Variants in STXBP5L observed in about 807,000 individuals in gnomAD.
STXBP5L encodes the protein syntaxin-binding protein 5-like.
Under a neutral mutation model 144.5 loss-of-function variants are expected in STXBP5L, and 65 were observed. That is an observed-to-expected ratio of 0.45 (90% confidence interval 0.37 to 0.55). The LOEUF (loss-of-function observed/expected upper bound fraction) is 0.55, where lower values mean the gene tolerates loss of function less well. Among genes scored for constraint, STXBP5L ranks in the 20% least tolerant of loss-of-function variants. The pLI, the probability that STXBP5L is intolerant of heterozygous loss-of-function variation, is 0.00. For synonymous variants in STXBP5L, 505 were observed against 469.6 expected, an observed-to-expected ratio of 1.08 and a Z score of -0.97; for missense variants, 1,298 against 1,405.5, an observed-to-expected ratio of 0.92 and a Z score of 1.22.
At chr3:121,228,706 G>A (rs748465489) in intron 11 of STXBP5L, among the ~76,000 whole-genome samples, 11 of 151,850 alleles carry the variant, frequency 7.2e-5, no homozygotes, top group South Asian at 2.1e-4. Flanking sequence ...TGAAACCCCC[G>A]TCTCTACTAA....
intron 20 of STXBP5L, among the ~76,000 whole-genome samples, chr3:121,320,438 G>GA (rs1232210851): frequency 6.6e-6 from 1 of 151,880 alleles, no homozygotes; most frequent in African/African-American, 2.4e-5. Context: ...TGCCCCTTGT[G>GA]AAAATGAAAC....
At chr3:121,092,796 T>G (rs1309222213) in intron 5 of STXBP5L, among the ~76,000 whole-genome samples, 1 of 152,198 alleles carries the variant, frequency 6.6e-6, no homozygotes, top group African/African-American at 2.4e-5. Context: ...TGGCCAGAAC[T>G]TCCAACACCA....
At chr3:121,211,550 A>G (rs2460098) in intron 10 of STXBP5L, among the ~76,000 whole-genome samples, 9,061 of 144,806 alleles carry the variant, frequency 0.063, 322 homozygotes, top group Middle Eastern at 0.11. Flanking sequence ...CTTCTCCAGC[A>G]TCTCTTATTT....
chr3:121,400,177 C>T (rs1224885376), intron 22 of STXBP5L, among the ~76,000 whole-genome samples: 1 of 152,204 alleles, frequency 6.6e-6, no homozygotes, highest in Non-Finnish European at 1.5e-5. Flanking sequence ...ATGGAGCATG[C>T]ACCAGGGGCT....
At chr3:120,956,590 G>T (rs1286608014) in intron 3 of STXBP5L, among the ~76,000 whole-genome samples, 1 of 151,756 alleles carries the variant, frequency 6.6e-6, no homozygotes, top group South Asian at 2.1e-4. Context: ...ATGGGCACTT[G>T]TTTTTTCCAT....
At chr3:121,094,772 A>G (rs374069253) in intron 5 of STXBP5L, among the ~76,000 whole-genome samples, 49 of 152,076 alleles carry the variant, frequency 3.2e-4, no homozygotes, top group East Asian at 1.2e-3. Context: ...GTCCATTTAC[A>G]TTGAAAGTTA....
chr3:121,152,166 T>G (rs1171381700), intron 7 of STXBP5L, among the ~76,000 whole-genome samples: 2 of 152,022 alleles, frequency 1.3e-5, no homozygotes, highest in Non-Finnish European at 2.9e-5. Flanking sequence ...ATTTCATGTT[T>G]TATTTCATCT....
intron 10 of STXBP5L, among the ~76,000 whole-genome samples, chr3:121,213,607 G>T (rs562716851): frequency 2.6e-5 from 4 of 152,030 alleles, no homozygotes; most frequent in Non-Finnish European, 5.9e-5. Flanking sequence ...TGTTGTGTTC[G>T]GTTTGCCAGT....
At chr3:121,052,290 C>G (rs1287426335) in intron 5 of STXBP5L, among the ~76,000 whole-genome samples, 2 of 151,716 alleles carry the variant, frequency 1.3e-5, no homozygotes, top group Admixed American at 6.6e-5. Context: ...GAGACATAAC[C>G]AAAAAAGAGA....
intron 9 of STXBP5L, among the ~76,000 whole-genome samples, chr3:121,191,559 G>A (rs1170871463): frequency 6.6e-6 from 1 of 151,258 alleles, no homozygotes; most frequent in Non-Finnish European, 1.5e-5. Context: ...AGAGGGAGAG[G>A]GATAGGGAGA....
Position 121,095,501 on chromosome 3 carries a change from C to A in STXBP5L, c.471-19424C>A, listed in dbSNP as rs1002922213. On this transcript the variant is annotated intron_variant, in intron 5 of 26. Transcript: ENST00000471454. ...TGTTCATTTCTTTTTACTCTTTTTT[C>A]TCTAACCTTCTCTTCTCGCTTCATT... Among the ~76,000 whole-genome samples the A allele has an allele frequency of 2.0e-5, 3 of 152,078 alleles. No individual in the cohort carries two copies. The East Asian group carries it at 5.8e-4, about 29-fold the overall frequency.
intron 11 of STXBP5L, among the ~76,000 whole-genome samples, chr3:121,228,587 C>T (rs141862642): frequency 7.6e-4 from 116 of 152,224 alleles, no homozygotes; most frequent in East Asian, 1.2e-3. Flanking sequence ...AGCAATTGAA[C>T]CTTTGTTGGC....
chr3:120,974,107 G>C (rs1940632566), intron 3 of STXBP5L, among the ~76,000 whole-genome samples: 1 of 152,086 alleles, frequency 6.6e-6, no homozygotes, highest in Admixed American at 6.6e-5. Context: ...GATCCCTGAG[G>C]AATCACCACA....
At chr3:121,114,030 AT>A (rs1206787500) in intron 5 of STXBP5L, among the ~76,000 whole-genome samples, 2 of 151,800 alleles carry the variant, frequency 1.3e-5, no homozygotes, top group African/African-American at 4.8e-5. Flanking sequence ...TGTCATTCAC[AT>A]TTTTTTTGAA....
intron 20 of STXBP5L, among the ~76,000 whole-genome samples, chr3:121,331,633 A>C (rs1009527960): frequency 1.3e-5 from 2 of 152,110 alleles, no homozygotes; most frequent in African/African-American, 4.8e-5. Flanking sequence ...TGAAAAGACC[A>C]CAGTGCATTT....
At chr3:121,081,617 C>CT (rs2042252923) in intron 5 of STXBP5L, among the ~76,000 whole-genome samples, 1 of 152,106 alleles carries the variant, frequency 6.6e-6, no homozygotes, top group Admixed American at 6.5e-5. Context: ...ATAGTGTATA[C>CT]TTTTTTTACT....
intron 18 of STXBP5L, among the ~76,000 whole-genome samples, chr3:121,275,191 T>A (rs2050844329): frequency 6.6e-6 from 1 of 152,146 alleles, no homozygotes; most frequent in African/African-American, 2.4e-5. Flanking sequence ...ATCCTCAAAC[T>A]TTCTTATTTT....
chr3:121,127,786 A>G (rs1461317994), intron 7 of STXBP5L, among the ~76,000 whole-genome samples: 1 of 152,042 alleles, frequency 6.6e-6, no homozygotes, highest in Non-Finnish European at 1.5e-5. Context: ...GCCTGAGAAT[A>G]TTGTAAACCC....
chr3:120,979,873 C>T (rs985770844), intron 3 of STXBP5L, among the ~76,000 whole-genome samples: 2 of 151,980 alleles, frequency 1.3e-5, no homozygotes, highest in African/African-American at 2.4e-5. Flanking sequence ...TATAAGCTTC[C>T]CTCTTAGCAT....
Sources: allele counts gnomAD v4.1 joint callset (sites outside exome capture counted in the v4.1 genomes callset), GRCh38; gene constraint gnomAD v4.1.1; transcripts MANE v1.5; gene names NCBI Gene and HGNC (gene_info 2026-07-23, HGNC 2026-07-21).